Variants in CASR observed in about 807,000 individuals in gnomAD.
The protein encoded by CASR is calcium sensing receptor.
A neutral mutation model predicts 69.1 loss-of-function variants in CASR; 23 were observed. That is an observed-to-expected ratio of 0.33 (90% CI 0.24 to 0.47). The LOEUF (loss-of-function observed/expected upper bound fraction) is 0.47, where lower values mean the gene tolerates loss of function less well. Ranked by LOEUF, CASR falls within the 20% of genes least tolerant of loss-of-function variation. The pLI, the probability that CASR is intolerant of heterozygous loss-of-function variation, is 1.00. For synonymous variants in CASR, 541 were observed against 544.7 expected, an observed-to-expected ratio of 0.99 and a Z score of 0.10; for missense variants, 924 against 1,356.1, an observed-to-expected ratio of 0.68 and a Z score of 5.00.
At chr3:122,210,337 C>A (rs1353221885) in intron 1 of CASR, among the ~76,000 whole-genome samples, 4 of 152,124 alleles carry the variant, frequency 2.6e-5, no homozygotes, top group African/African-American at 9.7e-5. Flanking sequence ...TCTAGAAAAC[C>A]CCATTGTCCC....
intron 3 of CASR, among the ~76,000 whole-genome samples, chr3:122,260,696 A>T (rs13321213): frequency 1.4e-5 from 2 of 141,616 alleles, no homozygotes; most frequent in Non-Finnish European, 3.1e-5. Context: ...TAATAAAAAA[A>T]AAAAAAAAGT....
At chr3:122,235,960 A>C (rs1017512575) in intron 1 of CASR, among the ~76,000 whole-genome samples, 29 of 152,328 alleles carry the variant, frequency 1.9e-4, no homozygotes, top group African/African-American at 6.7e-4. Flanking sequence ...CCACACCCAG[A>C]GTTTCTGATT....
Position 122,257,402 on chromosome 3 carries a change from T to A in CASR, c.492+15T>A. 6.2e-7 allele frequency: 1 copy of A among 1,606,156 alleles called. No individual in the cohort carries two copies. Among genetic ancestry groups the A allele is most frequent in the Non-Finnish European group, 8.5e-7 (1 of 1,173,780 alleles). On this transcript the variant is annotated intron_variant, in intron 3 of 6. Transcript: ENST00000639785. ...ACATTCCCCAGGTACTCAAGCCTTCTCAGGCGGGGCACTGGGAGCAGGATC... is the reference window on the plus strand; with the variant it reads ...ACATTCCCCAGGTACTCAAGCCTTCACAGGCGGGGCACTGGGAGCAGGATC...
intron 4 of CASR, among the ~76,000 whole-genome samples, chr3:122,266,524 G>A (rs2074696592): frequency 6.6e-6 from 1 of 151,596 alleles, no homozygotes; most frequent in Non-Finnish European, 1.5e-5. Context: ...CCGCCTCCCA[G>A]GTTCAAGCAG....
chr3:122,194,377 C>G (rs1034543430), intron 1 of CASR, among the ~76,000 whole-genome samples: 1 of 152,052 alleles, frequency 6.6e-6, no homozygotes, highest in Non-Finnish European at 1.5e-5. Flanking sequence ...TCTCTGGGTC[C>G]CCCTTGGAAC....
At chr3:122,235,352 C>T (rs1469317101) in intron 1 of CASR, among the ~76,000 whole-genome samples, 1 of 152,164 alleles carries the variant, frequency 6.6e-6, no homozygotes, top group Non-Finnish European at 1.5e-5. Context: ...TGGCCATTTT[C>T]TCTAGTTCAC....
At chr3:122,199,872 A>G (rs2073925090) in intron 1 of CASR, among the ~76,000 whole-genome samples, 1 of 151,946 alleles carries the variant, frequency 6.6e-6, no homozygotes, top group South Asian at 2.1e-4. Flanking sequence ...TCAAATAGCT[A>G]GAAGAGCAGT....
chr3:122,277,048 C>CTTT lies in CASR; in HGVS notation c.1608+1022_1608+1024dup, dbSNP rs11341423. 8.2e-3 allele frequency among the ~76,000 whole-genome samples: 1,058 copies of CTTT among 129,470 alleles called. 23 individuals carry two copies. The highest frequency in any genetic ancestry group is 0.025 in the Middle Eastern group (6 of 244). 84.9% of individuals were successfully genotyped at this position (129,470 alleles called of 152,430 possible). ...CCTTTGAGCATCTTGGACCACTTTTCTTTTTTTTTTTTTTTTTTGAGATGG... is the reference window on the plus strand; with the variant it reads ...CCTTTGAGCATCTTGGACCACTTTTCTTTTTTTTTTTTTTTTTTTTTGAGATGG... On this transcript the variant is annotated intron_variant, in intron 5 of 6. Transcript: ENST00000639785.
At chr3:122,258,482 C>G (rs747063466) in intron 3 of CASR, among the ~76,000 whole-genome samples, 1 of 151,590 alleles carries the variant, frequency 6.6e-6, no homozygotes, top group Non-Finnish European at 1.5e-5. Context: ...CATGGGGAAG[C>G]CCTGGCTTTG....
chr3:122,238,247 G>A (rs2074347997), intron 1 of CASR, among the ~76,000 whole-genome samples: 1 of 152,186 alleles, frequency 6.6e-6, no homozygotes, highest in Non-Finnish European at 1.5e-5. Context: ...TGTGCATTTT[G>A]GGGAAGGAGA....
At chr3:122,219,711 GC>G (rs1361517069) in intron 1 of CASR, among the ~76,000 whole-genome samples, 2 of 152,210 alleles carry the variant, frequency 1.3e-5, no homozygotes, top group African/African-American at 2.4e-5. Context: ...ATGGAGATAT[GC>G]CACCTATGAC....
At position 122,261,693 on chromosome 3, in the gene CASR, C is replaced by A. The variant is rs1482119762; in HGVS notation, c.658C>A (p.Arg220=). Residue 220 remains arginine (R), a synonymous_variant, in exon 4 of 7, where the codon CGG becomes AGG. Coordinates refer to ENST00000639785, the MANE Select transcript of CASR (RefSeq NM_000388.4). ...GTIAADDDYG[R]PGIEKFREEA... is the part of the protein sequence containing the mutation. ...AATTGCAGCTGATGACGACTATGGGCGGCCGGGGATTGAGAAATTCCGAGA... is the reference window on the plus strand; with the variant it reads ...AATTGCAGCTGATGACGACTATGGGAGGCCGGGGATTGAGAAATTCCGAGA... 1.9e-6 allele frequency: 3 copies of A among 1,614,078 alleles called. No homozygotes were observed. Among genetic ancestry groups the A allele is most frequent in the African/African-American group, 2.7e-5 (2 of 74,922 alleles).
intron 1 of CASR, among the ~76,000 whole-genome samples, chr3:122,206,809 G>T (rs2074011898): frequency 6.6e-6 from 1 of 151,978 alleles, no homozygotes; most frequent in South Asian, 2.1e-4. Context: ...TTCGTAGATT[G>T]TATGTGTCCA....
chr3:122,223,631 A>G (rs765971077), intron 1 of CASR, among the ~76,000 whole-genome samples: 9 of 151,870 alleles, frequency 5.9e-5, no homozygotes, highest in Non-Finnish European at 7.4e-5. Flanking sequence ...AATTATTCCA[A>G]TCCTACTGAA....
intron 6 of CASR, among the ~76,000 whole-genome samples, chr3:122,282,647 G>A (rs2074906496): frequency 6.6e-6 from 1 of 152,038 alleles, no homozygotes; most frequent in Non-Finnish European, 1.5e-5. Flanking sequence ...GTTATTTTTA[G>A]GTGGGAATAA....
At chr3:122,255,833 A>G (rs1340225587) in intron 2 of CASR, among the ~76,000 whole-genome samples, 2 of 152,234 alleles carry the variant, frequency 1.3e-5, no homozygotes, top group African/African-American at 4.8e-5. Context: ...TAACAATACA[A>G]TGGAGTATAA....
At chr3:122,233,721 C>T (rs989904830) in intron 1 of CASR, among the ~76,000 whole-genome samples, 18 of 152,208 alleles carry the variant, frequency 1.2e-4, no homozygotes, top group African/African-American at 2.7e-4. Context: ...CCCAACCAAA[C>T]GCCACCACCT....
intron 1 of CASR, among the ~76,000 whole-genome samples, chr3:122,223,564 C>A (rs2074193849): frequency 6.6e-6 from 1 of 152,136 alleles, no homozygotes; most frequent in African/African-American, 2.4e-5. Flanking sequence ...AAAAAGCCAA[C>A]CAACCAATAA....
intron 4 of CASR, among the ~76,000 whole-genome samples, chr3:122,274,600 C>A (rs1308260896): frequency 1.3e-5 from 2 of 152,092 alleles, no homozygotes; most frequent in African/African-American, 4.8e-5. Flanking sequence ...ATTTTAAGTA[C>A]CTTAAAAAGA....
Sources: allele counts gnomAD v4.1 joint callset (sites outside exome capture counted in the v4.1 genomes callset), GRCh38; gene constraint gnomAD v4.1.1; transcripts MANE v1.5; gene names NCBI Gene and HGNC (gene_info 2026-07-23, HGNC 2026-07-21).